The following SETD2 variants were observed in gnomAD, a reference collection of about 807,000 sequenced individuals.
SETD2 encodes SET domain containing 2, histone lysine methyltransferase.
A neutral mutation model predicts 242.1 loss-of-function variants in SETD2; 31 were observed. That is an observed-to-expected ratio of 0.13 (90% CI 0.10 to 0.17). The LOEUF (loss-of-function observed/expected upper bound fraction) is 0.17. Among genes scored for constraint, SETD2 ranks in the 10% least tolerant of loss-of-function variants. SETD2 has a pLI of 1.00. For missense variants in SETD2, 2,481 were observed against 3,046.3 expected, an observed-to-expected ratio of 0.81 and a Z score of 4.37; for synonymous variants, 1,006 against 1,066.5, an observed-to-expected ratio of 0.94 and a Z score of 1.11.
At chr3:47,032,843 C>T (rs995266009) in intron 18 of SETD2, among the ~76,000 whole-genome samples, 2 of 150,976 alleles carry the variant, frequency 1.3e-5, no homozygotes, top group Admixed American at 1.3e-4. Context: ...ACCCGGGAGG[C>T]AGAAGTTGCA....
chr3:47,144,929 C>T (rs775580875), intron 1 of SETD2, among the ~76,000 whole-genome samples: 20 of 151,998 alleles, frequency 1.3e-4, no homozygotes, highest in Non-Finnish European at 2.1e-4. Flanking sequence ...CCAGCCTGGG[C>T]GACAAGTGAG....
At chr3:47,100,405 C>T (rs1228578115) in intron 8 of SETD2, among the ~76,000 whole-genome samples, 3 of 152,034 alleles carry the variant, frequency 2.0e-5, no homozygotes, top group Admixed American at 1.3e-4. Context: ...GGATTACAGG[C>T]GTGCGCCACC....
Position 47,124,009 on chromosome 3 carries a change from T to A in SETD2, c.627A>T (p.Thr209=), listed in dbSNP as rs2043220098. 6.4e-7 allele frequency: 1 copy of A among 1,552,328 alleles called. No individual in the cohort carries two copies. Among genetic ancestry groups the A allele is most frequent in the Non-Finnish European group, 8.7e-7 (1 of 1,147,118 alleles). The change falls in exon 3 of 21, where the codon ACA becomes ACT. Residue 209 remains threonine, a synonymous_variant. Transcript: ENST00000409792. The stretch of plus-strand genomic sequence containing the variant: ...GTGTATGTGGCAAGGCCACTGGCTC[T>A]GTTACTGGTGCTGGTGATGAGAGTG... ...ATTLSSPAPV[T]EPVALPHTPI...
chr3:47,110,657 T>C lies in SETD2; in HGVS notation c.4715+3219A>G, dbSNP rs146023151. Among the ~76,000 whole-genome samples, 442 of 152,294 alleles carry C rather than the reference T, an allele frequency of 2.9e-3. 1 individual carries two copies. The highest frequency in any genetic ancestry group is 3.9e-3 in the Non-Finnish European group (262 of 68,020). On this transcript the variant is annotated intron_variant, in intron 5 of 20. Coordinates refer to ENST00000409792, the MANE Select transcript of SETD2 (RefSeq NM_014159.7). ...CTGTCCTTATTAAATGGTAATACTC[T>C]ACCAGTAAACAACGCAAGAGTTTTG... is the stretch of plus-strand genomic sequence containing the variant.
chr3:47,024,363 T>C (rs1373855008), intron 18 of SETD2, among the ~76,000 whole-genome samples: 1 of 152,182 alleles, frequency 6.6e-6, no homozygotes, highest in Non-Finnish European at 1.5e-5. Context: ...TCCCAGCTAC[T>C]TGGGAGGCTG....
chr3:47,029,068 T>TC (rs1441696382), intron 18 of SETD2: 10 of 164,120 alleles, frequency 6.1e-5, no homozygotes, highest in African/African-American at 2.2e-4. Flanking sequence ...ACTTTTAATT[T>TC]TTTTTTTTTT....
rs567283323 is a variant in SETD2 at position 47,142,666 on chromosome 3, T to C, written c.72-16003A>G. On this transcript the variant is annotated intron_variant, in intron 1 of 20. Coordinates refer to ENST00000409792, the MANE Select transcript of SETD2 (RefSeq NM_014159.7). ...GGGGAAGGGGAATACCATATATACA[T>C]TGTCTTTTTTTTTTTTTTTGAGATG... 2.0e-3 allele frequency among the ~76,000 whole-genome samples: 295 copies of C among 150,718 alleles called. 3 individuals carry two copies. Among genetic ancestry groups the C allele is most frequent in the African/African-American group, 6.6e-3 (269 of 40,518 alleles).
chr3:47,050,111 T>C (rs1381527019), intron 15 of SETD2, among the ~76,000 whole-genome samples: 1 of 151,118 alleles, frequency 6.6e-6, no homozygotes, highest in Non-Finnish European at 1.5e-5. Flanking sequence ...AATAATCTTA[T>C]TGTATATTTC....
At chr3:47,085,514 T>C (rs1018140033) in intron 11 of SETD2, among the ~76,000 whole-genome samples, 1 of 152,176 alleles carries the variant, frequency 6.6e-6, no homozygotes, top group Non-Finnish European at 1.5e-5. Flanking sequence ...TTCCTCAATG[T>C]AGTTCCACAG....
intron 15 of SETD2, among the ~76,000 whole-genome samples, chr3:47,053,242 T>C (rs2039924978): frequency 6.6e-6 from 1 of 152,108 alleles, no homozygotes; most frequent in South Asian, 2.1e-4. Context: ...GTCCAATAGG[T>C]TATAGAGAGA....
chr3:47,106,220 T>C, intron 5 of SETD2, 100 bp from the exon 6 acceptor site: 1 of 1,001,230 alleles, frequency 1.0e-6, no homozygotes, highest in South Asian at 1.9e-5. Context: ...AATACTGCAA[T>C]GTGGATAAAT....
In SETD2 at chr3:47,090,143, A is replaced by G. The variant is rs116879954; in HGVS notation, c.5143-1896T>C. Among the ~76,000 whole-genome samples, 76 of 152,108 alleles carry G rather than the reference A, an allele frequency of 5.0e-4. No individual in the cohort carries two copies. In the East Asian group the frequency reaches 0.015, roughly 29 times the overall value. On this transcript the variant is annotated intron_variant, in intron 9 of 20. Coordinates refer to ENST00000409792, the MANE Select transcript of SETD2 (RefSeq NM_014159.7). ...GGAGCCTGTAGTACCAGCTATCGGG[A>G]GGCTGAGGCAGGAGAATAGCTTGAA...
At chr3:47,117,271 A>C (rs1392035800) in intron 3 of SETD2, among the ~76,000 whole-genome samples, 2 of 139,178 alleles carry the variant, frequency 1.4e-5, no homozygotes, top group African/African-American at 6.2e-5. Flanking sequence ...CAAAAAAAAA[A>C]AAAAAAAAAC....
intron 15 of SETD2, among the ~76,000 whole-genome samples, chr3:47,050,168 G>A (rs1369627416): frequency 1.3e-5 from 2 of 151,592 alleles, no homozygotes; most frequent in East Asian, 1.9e-4. Flanking sequence ...ATAAAGAAAA[G>A]ACAAATATTT....
intron 1 of SETD2, among the ~76,000 whole-genome samples, chr3:47,155,365 G>A (rs2044103645): frequency 6.6e-6 from 1 of 152,178 alleles, no homozygotes; most frequent in African/African-American, 2.4e-5. Context: ...AAAAGGTTCT[G>A]CCAAAAGTAA....
chr3:47,163,946 ACGCGAGCCCCCTCCC>A lies in SETD2; in HGVS notation c.-37_-23del. 1.6e-6 allele frequency: 2 copies of A among 1,278,262 alleles called. No individual in the cohort carries two copies. The highest frequency in any genetic ancestry group is 3.0e-5 in the East Asian group (1 of 33,038). 79.2% of individuals were successfully genotyped at this position (1,278,262 alleles called of 1,614,324 possible). On this transcript the variant is annotated 5_prime_UTR_variant, in exon 1 of 21. Coordinates refer to ENST00000409792, the MANE Select transcript of SETD2 (RefSeq NM_014159.7). ...TCATCGGGAGCGGCTGGAGACGGCG[ACGCGAGCCCCCTCCC>A]CGCAGCAGGGCGACGCGGGGGAGGG...
At chr3:47,022,201 A>T (rs1288354082) in intron 18 of SETD2, among the ~76,000 whole-genome samples, 25 of 142,600 alleles carry the variant, frequency 1.8e-4, no homozygotes, top group African/African-American at 6.0e-4. Flanking sequence ...TGTCACACAC[A>T]CACACACACA....
In SETD2 at chr3:47,122,149, C is replaced by T. The variant is rs769695762; in HGVS notation, c.2487G>A (p.Leu829=). ...ISSNSFMNVH[L]ESKPVICDSR... is the part of the protein sequence containing the mutation. ...TATCACATATAACTGGTTTTGATTC[C>T]AAATGCACATTCATAAAGCTATTTG... The change falls in exon 3 of 21, where the codon TTG becomes TTA. Residue 829 remains leucine (L), a synonymous_variant. Coordinates refer to ENST00000409792, the MANE Select transcript of SETD2 (RefSeq NM_014159.7). 1.2e-6 allele frequency: 2 copies of T among 1,613,682 alleles called. No individual in the cohort carries two copies. Among genetic ancestry groups the T allele is most frequent in the Admixed American group, 3.3e-5 (2 of 59,962 alleles).
rs552021999 is a variant in SETD2 at position 47,022,578 on chromosome 3, C to T, written c.7351-2738G>A. On this transcript the variant is annotated intron_variant, in intron 18 of 20. Transcript: ENST00000409792. The stretch of plus-strand genomic sequence containing the variant: ...GCTCTGATACATAAAAAAGCGAGTG[C>T]TTCCAGATCCTCAGCAATAAACAAT... 5.3e-5 allele frequency among the ~76,000 whole-genome samples: 8 copies of T among 152,300 alleles called. No individual in the cohort carries two copies. The South Asian group carries it at 1.5e-3, about 28-fold the overall frequency.
Sources: allele counts gnomAD v4.1 joint callset (sites outside exome capture counted in the v4.1 genomes callset), GRCh38; gene constraint gnomAD v4.1.1; transcripts MANE v1.5; gene names NCBI Gene and HGNC (gene_info 2026-07-23, HGNC 2026-07-21).